Variants in RANBP2 observed in about 807,000 individuals in gnomAD.
RANBP2 encodes the protein RAN binding protein 2, also known as E3 SUMO-protein ligase RanBP2.
Under a neutral mutation model 303.6 loss-of-function variants are expected in RANBP2, and 57 were observed. The observed-to-expected ratio is 0.19, with a 90% CI of 0.15 to 0.23. The LOEUF is 0.23. RANBP2 is among the 10% of genes least tolerant of loss of function. RANBP2 has a pLI of 1.00. For missense variants in RANBP2, 3,138 were observed against 3,780.8 expected, an observed-to-expected ratio of 0.83 and a Z score of 4.46; for synonymous variants, 1,167 against 1,301.5, an observed-to-expected ratio of 0.90 and a Z score of 2.23.
the RANBP2 span, among the ~76,000 whole-genome samples, chr2:109,403,926 G>C: frequency 6.6e-6 from 1 of 152,216 alleles, no homozygotes; most frequent in Non-Finnish European, 1.5e-5. Flanking sequence ...GCGTGCGTGC[G>C]GGCTGCCCTC....
chr2:109,126,844 A>G, the RANBP2 span, among the ~76,000 whole-genome samples: 884 of 152,322 alleles, frequency 5.8e-3, 7 homozygotes, highest in Middle Eastern at 0.014. Flanking sequence ...GCACCAGGGC[A>G]TGTCGTCACA....
the RANBP2 span, chr2:108,910,375 T>TAGCCTG: frequency 9.0e-7 from 1 of 1,111,056 alleles, no homozygotes; most frequent in South Asian, 1.3e-5. Context: ...AGCCTGTCAG[T>TAGCCTG]TCACTCGGCT....
the RANBP2 span, among the ~76,000 whole-genome samples, chr2:109,311,780 C>T: frequency 7.5e-6 from 1 of 132,860 alleles, no homozygotes; most frequent in Non-Finnish European, 1.5e-5. Context: ...CAAGTCATAT[C>T]AAGGCTACCC....
chr2:109,736,622 T>C, the RANBP2 span, among the ~76,000 whole-genome samples: 1 of 152,150 alleles, frequency 6.6e-6, no homozygotes, highest in Non-Finnish European at 1.5e-5. Flanking sequence ...AGAGGATTAG[T>C]AGACGTGATT....
At chr2:108,996,731 C>A in the RANBP2 span, among the ~76,000 whole-genome samples, 1 of 152,038 alleles carries the variant, frequency 6.6e-6, no homozygotes, top group African/African-American at 2.4e-5. Context: ...ACACAGGAAC[C>A]CTGAAGTCTC....
intron 4 of RANBP2, among the ~76,000 whole-genome samples, chr2:108,734,529 A>G (rs1166496519): frequency 6.6e-6 from 1 of 151,762 alleles, no homozygotes; most frequent in African/African-American, 2.4e-5. Context: ...AGGGATCTGT[A>G]AGCAAACAGT....
chr2:109,591,368 T>C, the RANBP2 span, among the ~76,000 whole-genome samples: 3 of 152,070 alleles, frequency 2.0e-5, no homozygotes, highest in Non-Finnish European at 2.9e-5. Context: ...GTGGTCCCCA[T>C]GATGTAACAC....
the RANBP2 span, among the ~76,000 whole-genome samples, chr2:109,512,065 T>C: frequency 2.0e-5 from 3 of 152,188 alleles, no homozygotes; most frequent in Non-Finnish European, 4.4e-5. Context: ...TCATGTGTGA[T>C]AATAAGCTTT....
At chr2:109,012,442 G>A in the RANBP2 span, among the ~76,000 whole-genome samples, 3 of 152,030 alleles carry the variant, frequency 2.0e-5, no homozygotes, top group Admixed American at 6.5e-5. Context: ...CTCCTCCCAC[G>A]CTCCTTTTCC....
chr2:109,574,827 C>T, the RANBP2 span: 2 of 1,256,740 alleles, frequency 1.6e-6, no homozygotes. Flanking sequence ...GATATCTGTG[C>T]AACTCTTAGA....
chr2:109,133,542 T>C, the RANBP2 span, among the ~76,000 whole-genome samples: 1 of 152,212 alleles, frequency 6.6e-6, no homozygotes, highest in Non-Finnish European at 1.5e-5. Flanking sequence ...TATGATTTTC[T>C]ATTTGTTTCT....
In RANBP2 at chr2:108,767,600, T is replaced by C. The variant is rs781040987; in HGVS notation, c.7061T>C (p.Ile2354Thr). ...KDVGQWKERG[I>T]GDIKILQNYD... ...GTTGGTCAATGGAAAGAAAGGGGCATTGGTGATATAAAGATTTTACAGAAT... is the reference window on the plus strand; with the variant it reads ...GTTGGTCAATGGAAAGAAAGGGGCACTGGTGATATAAAGATTTTACAGAAT... The change falls in exon 20 of 29, where the codon ATT (isoleucine) becomes ACT (threonine). Residue 2354 changes from isoleucine to threonine, a missense_variant. By Grantham distance (89) the Ile-to-Thr change is moderately conservative. Coordinates refer to ENST00000283195, the MANE Select transcript of RANBP2 (RefSeq NM_006267.5). The C allele has an allele frequency of 4.0e-5, 65 of 1,611,814 alleles. No homozygotes were observed. The highest frequency in any genetic ancestry group is 5.2e-5 in the Non-Finnish European group (61 of 1,179,852).
At chr2:109,340,107 C>A in the RANBP2 span, among the ~76,000 whole-genome samples, 1 of 152,130 alleles carries the variant, frequency 6.6e-6, no homozygotes, top group Non-Finnish European at 1.5e-5. Flanking sequence ...GGAGTAGCAG[C>A]TAAATAATGG....
chr2:109,477,140 A>G, the RANBP2 span, among the ~76,000 whole-genome samples: 1 of 152,166 alleles, frequency 6.6e-6, no homozygotes, highest in Non-Finnish European at 1.5e-5. Flanking sequence ...CTGTGGTTCA[A>G]ACGCCTCTGA....
the RANBP2 span, chr2:109,585,283 A>G: frequency 6.2e-7 from 1 of 1,610,590 alleles, no homozygotes; most frequent in Admixed American, 1.7e-5. Context: ...GTATTAAACA[A>G]TGTGTCAATC....
chr2:108,903,082 A>G, the RANBP2 span, among the ~76,000 whole-genome samples: 1 of 152,336 alleles, frequency 6.6e-6, no homozygotes, highest in Admixed American at 6.5e-5. Context: ...ACAAAAATCA[A>G]TTGTATTTCT....
the RANBP2 span, among the ~76,000 whole-genome samples, chr2:108,881,921 A>T: frequency 1.7e-4 from 26 of 152,260 alleles, no homozygotes; most frequent in African/African-American, 6.3e-4. Flanking sequence ...AGGCTAGAGG[A>T]TTGCTTGAGG....
the RANBP2 span, among the ~76,000 whole-genome samples, chr2:109,442,450 T>C: frequency 6.6e-6 from 1 of 152,150 alleles, no homozygotes; most frequent in South Asian, 2.1e-4. Flanking sequence ...ACTACATAGA[T>C]AAATATATAA....
At chr2:108,812,483 G>A in the RANBP2 span, 1 of 608,498 alleles carries the variant, frequency 1.6e-6, no homozygotes, top group South Asian at 2.3e-5. Flanking sequence ...GACAACTTCA[G>A]TTGTGATCTA....
Sources: gnomAD v4.1 joint callset for allele counts (sites outside exome capture counted in the v4.1 genomes callset) on GRCh38, gnomAD v4.1.1 for gene constraint, MANE v1.5 for transcripts, NCBI Gene and HGNC (gene_info 2026-07-23, HGNC 2026-07-21) for gene names.